The following FAM120A variants were observed in gnomAD, a reference collection of about 807,000 sequenced individuals.
FAM120A encodes constitutive coactivator of PPAR-gamma-like protein 1.
In FAM120A, 15 loss-of-function variants were observed where a neutral mutation model predicts 109.7. The observed-to-expected ratio is 0.14, with a 90% CI of 0.09 to 0.21. The LOEUF (loss-of-function observed/expected upper bound fraction) is 0.21, where lower values mean the gene tolerates loss of function less well. Ranked by LOEUF, FAM120A falls within the 10% of genes least tolerant of loss-of-function variation. The pLI, the probability that FAM120A is intolerant of heterozygous loss-of-function variation, is 1.00. For missense variants in FAM120A, 899 were observed against 1,439.3 expected (o/e 0.62, Z 6.07); for synonymous variants, 493 against 572.8 (o/e 0.86, Z 1.99).
intron 3 of FAM120A, among the ~76,000 whole-genome samples, chr9:93,485,449 T>C (rs1166172805): frequency 6.6e-6 from 1 of 151,898 alleles, no homozygotes; most frequent in Non-Finnish European, 1.5e-5. Context: ...ATAAAAAAAC[T>C]AGCTGGGTGT....
intron 15 of FAM120A, among the ~76,000 whole-genome samples, chr9:93,560,117 A>AC (rs1862420857): frequency 6.6e-6 from 1 of 152,006 alleles, no homozygotes; most frequent in Non-Finnish European, 1.5e-5. Flanking sequence ...ATATAGTGAG[A>AC]CCCCTGCCTC....
chr9:93,453,321 AGAG>A (rs1332857479), intron 1 of FAM120A: 14 of 986,592 alleles, frequency 1.4e-5, no homozygotes, highest in African/African-American at 1.7e-5. Flanking sequence ...GCACTGGGCC[AGAG>A]GAGAACTTCA....
At chr9:93,466,261 T>G (rs994288326) in intron 1 of FAM120A, among the ~76,000 whole-genome samples, 1 of 152,176 alleles carries the variant, frequency 6.6e-6, no homozygotes, top group African/African-American at 2.4e-5. Flanking sequence ...GGAAAATGTG[T>G]CTCTTCCCCC....
At chr9:93,499,673 T>C (rs1402760930) in intron 5 of FAM120A, among the ~76,000 whole-genome samples, 1 of 152,258 alleles carries the variant, frequency 6.6e-6, no homozygotes, top group African/African-American at 2.4e-5. Context: ...TGCTTCATAT[T>C]GAACGTCTTG....
chr9:93,455,693 C>G (rs919816856), intron 1 of FAM120A, among the ~76,000 whole-genome samples: 1 of 151,340 alleles, frequency 6.6e-6, no homozygotes, highest in East Asian at 1.9e-4. Flanking sequence ...GATGGAGTCT[C>G]ACTCTGTCTC....
intron 5 of FAM120A, among the ~76,000 whole-genome samples, chr9:93,504,030 C>T (rs139342143): frequency 2.7e-3 from 415 of 152,128 alleles, no homozygotes; most frequent in Middle Eastern, 0.01. Flanking sequence ...GGAAGACCAA[C>T]CTGATTGAAT....
intron 7 of FAM120A, among the ~76,000 whole-genome samples, chr9:93,520,887 G>A (rs1860818472): frequency 6.6e-6 from 1 of 152,200 alleles, no homozygotes; most frequent in Admixed American, 6.5e-5. Context: ...ATCTGGGTGC[G>A]CTTGGCAGCC....
intron 3 of FAM120A, among the ~76,000 whole-genome samples, chr9:93,494,075 G>A (rs1158364316): frequency 6.6e-6 from 1 of 152,302 alleles, no homozygotes; most frequent in Non-Finnish European, 1.5e-5. Flanking sequence ...GTCCTCCTGT[G>A]TGGACTCCTA....
intron 1 of FAM120A, among the ~76,000 whole-genome samples, chr9:93,463,793 C>T (rs868019336): frequency 9.2e-5 from 14 of 152,296 alleles, no homozygotes; most frequent in African/African-American, 2.9e-4. Flanking sequence ...ACCACATTAA[C>T]GGTATGTTTT....
intron 11 of FAM120A, among the ~76,000 whole-genome samples, chr9:93,549,408 G>A (rs1038104362): frequency 3.9e-5 from 6 of 152,192 alleles, no homozygotes; most frequent in Admixed American, 6.5e-5. Flanking sequence ...TGTGTAAGGT[G>A]CTTAGACCAA....
In FAM120A at chr9:93,452,015, G is replaced by A; in HGVS notation, c.100G>A (p.Gly34Ser). Residue 34 changes from glycine (G) to serine (S), a missense_variant, in exon 1 of 18, where the codon GGC becomes AGC. Physicochemically the swap from Gly to Ser is moderately conservative, Grantham distance 56 (BLOSUM62 0). Coordinates refer to ENST00000277165, the MANE Select transcript of FAM120A (RefSeq NM_014612.5). The surrounding 1 kb of genome is among the most constrained non-coding windows in gnomAD (Gnocchi z 7.0). ...QKLARGSLVG[G>S]GRQRPPQTPL... is the part of the protein sequence containing the mutation. Reference sequence around the variant, plus strand: ...GCTGGCCCGGGGCAGCCTGGTGGGCGGCGGGCGGCAGCGGCCCCCGCAGAC... The same window carrying A: ...GCTGGCCCGGGGCAGCCTGGTGGGCAGCGGGCGGCAGCGGCCCCCGCAGAC... The A allele has an allele frequency of 1.3e-6, 2 of 1,556,810 alleles. No individual in the cohort carries two copies. The highest frequency in any genetic ancestry group is 8.7e-7 in the Non-Finnish European group (1 of 1,151,652).
intron 10 of FAM120A, among the ~76,000 whole-genome samples, chr9:93,541,985 G>A (rs1352245148): frequency 3.3e-5 from 5 of 152,190 alleles, no homozygotes; most frequent in African/African-American, 1.2e-4. Context: ...ACTCAGAGTG[G>A]AACTGGAGAT....
intron 5 of FAM120A, among the ~76,000 whole-genome samples, chr9:93,512,482 A>G (rs1410133344): frequency 6.6e-6 from 1 of 152,244 alleles, no homozygotes; most frequent in Non-Finnish European, 1.5e-5. Context: ...TTTGAAATAT[A>G]GTAAACTTTT....
chr9:93,532,467 C>T lies in FAM120A; in HGVS notation c.1909+138C>T. On this transcript the variant is annotated intron_variant, in intron 10 of 17. Coordinates refer to ENST00000277165, the MANE Select transcript of FAM120A (RefSeq NM_014612.5). This position sits in a 1 kb window ranked among gnomAD's most constrained non-coding sequence, Gnocchi z 4.3. ...AAAGGAGGTGGGCCCATCATCGGGG[C>T]AGTAGGCCAGGGTAAAGGCTCTTAG... 1 of 844,804 alleles carries T rather than the reference C, an allele frequency of 1.2e-6. No homozygotes were observed. The highest frequency in any genetic ancestry group is 1.9e-6 in the Non-Finnish European group (1 of 519,174). 52.3% of individuals were successfully genotyped at this position (844,804 alleles called of 1,614,324 possible).
chr9:93,550,525 T>C (rs1862061059), intron 11 of FAM120A, 52 bp from the exon 12 acceptor site: 2 of 1,395,956 alleles, frequency 1.4e-6, no homozygotes, highest in Non-Finnish European at 2.0e-6. Context: ...CTTGTCTATA[T>C]GACGGGCGAC....
intron 10 of FAM120A, among the ~76,000 whole-genome samples, chr9:93,541,437 G>A (rs573300095): frequency 6.6e-6 from 1 of 152,228 alleles, no homozygotes; most frequent in East Asian, 1.9e-4. Flanking sequence ...CGGGGTGGGG[G>A]CAGTGCCTTA....
intron 8 of FAM120A, among the ~76,000 whole-genome samples, chr9:93,528,416 CATT>C (rs1377725223): frequency 6.6e-6 from 1 of 152,194 alleles, no homozygotes; most frequent in African/African-American, 2.4e-5. Flanking sequence ...TTATTTTCAA[CATT>C]ATTCTGATAA....
chr9:93,538,445 G>A (rs1034425933), intron 10 of FAM120A, among the ~76,000 whole-genome samples: 3 of 152,120 alleles, frequency 2.0e-5, no homozygotes, highest in South Asian at 2.1e-4. Flanking sequence ...ATGAATTGGA[G>A]GTTTTTGTTG....
chr9:93,504,717 G>A (rs1859954168), intron 5 of FAM120A, among the ~76,000 whole-genome samples: 1 of 152,104 alleles, frequency 6.6e-6, no homozygotes, highest in Non-Finnish European at 1.5e-5. Context: ...ACTGTTTCCA[G>A]CTGCTTGCCA....
Sources: allele counts gnomAD v4.1 joint callset (sites outside exome capture counted in the v4.1 genomes callset), GRCh38; gene constraint gnomAD v4.1.1; non-coding constraint Gnocchi (gnomAD v3.1); transcripts MANE v1.5; gene names NCBI Gene and HGNC (gene_info 2026-07-23, HGNC 2026-07-21).